Variants in EXOC6 observed in about 807,000 individuals in gnomAD.
EXOC6 encodes exocyst complex component 6.
Under a neutral mutation model 112.5 loss-of-function variants are expected in EXOC6, and 60 were observed. The observed-to-expected ratio is 0.53, with a 90% CI of 0.43 to 0.66. The LOEUF (loss-of-function observed/expected upper bound fraction) is 0.66, where lower values mean the gene tolerates loss of function less well. Among genes scored for constraint, EXOC6 ranks in the 30% least tolerant of loss-of-function variants. The pLI is 0.00. For synonymous variants in EXOC6, 295 were observed against 308.0 expected, an observed-to-expected ratio of 0.96 and a Z score of 0.44; for missense variants, 855 against 957.1, an observed-to-expected ratio of 0.89 and a Z score of 1.41.
rs11443044 is a variant in EXOC6, at chr10:92,921,245, C to CTTTT, written c.888+1208_888+1211dup. On this transcript the variant is annotated intron_variant, in intron 8 of 21. Transcript: ENST00000260762. ...ACCATTTCATTTCCTTTGTCATTTC[C>CTTTT]TTTTTTTTTTTTTTTTGTGCTGGAG... Among the ~76,000 whole-genome samples the CTTTT allele has an allele frequency of 1.9e-4, 22 of 115,786 alleles. 1 individual carries two copies. Among genetic ancestry groups the CTTTT allele is most frequent in the African/African-American group, 5.5e-4 (16 of 28,876 alleles). The allele number at this position is 115,786 out of a possible 152,430, so 76.0% of individuals were successfully genotyped here. A position where few individuals can be genotyped will look rare whatever the true frequency, so the allele number is the denominator to read the frequency against.
intron 1 of EXOC6, among the ~76,000 whole-genome samples, chr10:92,835,480 T>C (rs1403398493): frequency 1.3e-5 from 2 of 152,356 alleles, no homozygotes; most frequent in East Asian, 3.9e-4. Flanking sequence ...TGCCTGTCTC[T>C]GACACCTATC....
At chr10:92,914,294 G>A (rs1001132324) in intron 6 of EXOC6, among the ~76,000 whole-genome samples, 1 of 152,150 alleles carries the variant, frequency 6.6e-6, no homozygotes, top group Non-Finnish European at 1.5e-5. Flanking sequence ...CCATCCACCT[G>A]CAAAAAAAGC....
chr10:92,974,913 C>G (rs1233648334), intron 18 of EXOC6, among the ~76,000 whole-genome samples: 2 of 152,222 alleles, frequency 1.3e-5, no homozygotes, highest in Non-Finnish European at 2.9e-5. Flanking sequence ...TCTCGGCTCG[C>G]TACAACCTCC....
At chr10:92,829,110 A>G (rs574293143) in intron 1 of EXOC6, among the ~76,000 whole-genome samples, 3 of 152,216 alleles carry the variant, frequency 2.0e-5, no homozygotes, top group Non-Finnish European at 4.4e-5. Context: ...GTTCAAAATG[A>G]CTGCTCCATC....
At chr10:93,036,741 AAATT>A (rs1378133409) in intron 20 of EXOC6, among the ~76,000 whole-genome samples, 1 of 152,218 alleles carries the variant, frequency 6.6e-6, no homozygotes, top group Non-Finnish European at 1.5e-5. Context: ...TTTATGGAAA[AAATT>A]AAGTCATTTA....
At chr10:92,831,861 A>G (rs1846494261), upstream of EXOC6, among the ~76,000 whole-genome samples, 1 of 152,160 alleles carries the variant, frequency 6.6e-6, no homozygotes, top group East Asian at 1.9e-4. Context: ...TTGGTGAATC[A>G]GATGAAGGGT....
At chr10:92,837,670 C>CAAACCA (rs1289337797) in intron 1 of EXOC6, among the ~76,000 whole-genome samples, 1 of 152,110 alleles carries the variant, frequency 6.6e-6, no homozygotes, top group South Asian at 2.1e-4. Context: ...TCTCCAAACA[C>CAAACCA]AAACCAAAAC....
intron 17 of EXOC6, among the ~76,000 whole-genome samples, chr10:92,964,997 A>AT (rs953569426): frequency 2.6e-5 from 4 of 152,100 alleles, no homozygotes; most frequent in Admixed American, 2.6e-4. Context: ...CTGCTGTATA[A>AT]TTTTTTTGTA....
intron 1 of EXOC6, among the ~76,000 whole-genome samples, chr10:92,889,528 G>T (rs1418721871): frequency 1.3e-5 from 2 of 152,118 alleles, no homozygotes; most frequent in African/African-American, 4.8e-5. Context: ...TGTATGTCCG[G>T]TTGTTTTAGC....
chr10:92,865,476 G>T (rs1207366585), intron 1 of EXOC6, among the ~76,000 whole-genome samples: 2 of 151,900 alleles, frequency 1.3e-5, no homozygotes, highest in East Asian at 3.9e-4. Flanking sequence ...GGTGGAGGTT[G>T]CAGTGAGCCA....
rs529361206 is a variant in EXOC6 at position 92,915,857 on chromosome 10, A to G, written c.763A>G (p.Arg255Gly). Reference sequence around the variant, plus strand: ...AAATCGTGATAGAATTCCAGAGGAAAGGAATGAAACTGTATTGAAACATTC... The same window carrying G: ...AAATCGTGATAGAATTCCAGAGGAAGGGAATGAAACTGTATTGAAACATTC... The part of the protein sequence containing the change: ...YINRDRIPEE[R>G]NETVLKHSLE... Residue 255 changes from arginine to glycine, a missense_variant, in exon 7 of 22, where the codon AGG becomes GGG. Physicochemically the swap from Arg to Gly is moderately radical, Grantham distance 125 (BLOSUM62 -2). Transcript: ENST00000260762. 2 of 1,556,400 alleles carry G rather than the reference A, an allele frequency of 1.3e-6. No individual in the cohort carries two copies. Among genetic ancestry groups the G allele is most frequent in the African/African-American group, 2.8e-5 (2 of 70,854 alleles).
chr10:92,963,997 C>CT (rs35778687), intron 17 of EXOC6, among the ~76,000 whole-genome samples: 4 of 149,812 alleles, frequency 2.7e-5, no homozygotes, highest in African/African-American at 7.4e-5. Flanking sequence ...GCCTAATACT[C>CT]TTTTTTAAAA....
At chr10:92,860,964 A>G (rs1847884371) in intron 1 of EXOC6, among the ~76,000 whole-genome samples, 1 of 152,198 alleles carries the variant, frequency 6.6e-6, no homozygotes, top group African/African-American at 2.4e-5. Context: ...TTCCCAGGCC[A>G]GTCTCTGAGG....
intron 20 of EXOC6, among the ~76,000 whole-genome samples, chr10:93,021,292 C>A (rs1042166610): frequency 6.6e-6 from 1 of 152,008 alleles, no homozygotes; most frequent in African/African-American, 2.4e-5. Flanking sequence ...CCAGTCTGGG[C>A]AACATAGCAA....
At chr10:92,837,877 G>A (rs1846712482) in intron 1 of EXOC6, among the ~76,000 whole-genome samples, 1 of 152,168 alleles carries the variant, frequency 6.6e-6, no homozygotes, top group African/African-American at 2.4e-5. Context: ...AGAGAATACT[G>A]AAGCGTTTAC....
intron 17 of EXOC6, among the ~76,000 whole-genome samples, chr10:92,959,698 AAGACCT>A (rs1853880721): frequency 6.6e-6 from 1 of 152,222 alleles, no homozygotes; most frequent in Non-Finnish European, 1.5e-5. Context: ...AAATGGGCCA[AAGACCT>A]TAACATATAC....
intron 1 of EXOC6, among the ~76,000 whole-genome samples, chr10:92,885,423 A>G (rs1463794925): frequency 6.7e-6 from 1 of 149,438 alleles, no homozygotes; most frequent in African/African-American, 2.5e-5. Flanking sequence ...CCTGTTGCCC[A>G]GGCTGGAGTG....
At chr10:92,870,858 C>T (rs1396661371) in intron 1 of EXOC6, among the ~76,000 whole-genome samples, 4 of 151,950 alleles carry the variant, frequency 2.6e-5, no homozygotes, top group Non-Finnish European at 4.4e-5. Context: ...TACAGGCATG[C>T]GCCACCACGC....
chr10:93,033,410 T>C (rs879212663), intron 20 of EXOC6, among the ~76,000 whole-genome samples: 6 of 152,202 alleles, frequency 3.9e-5, no homozygotes, highest in Admixed American at 3.9e-4. Context: ...ACTGGTTTGT[T>C]TTTATTTCAA....
Sources: allele counts gnomAD v4.1 joint callset (sites outside exome capture counted in the v4.1 genomes callset), GRCh38; gene constraint gnomAD v4.1.1; transcripts MANE v1.5; gene names NCBI Gene and HGNC (gene_info 2026-07-23, HGNC 2026-07-21).